TMEM116: variants seen among roughly 807,000 people sequenced by gnomAD.
TMEM116 encodes transmembrane protein 116.
TMEM116 carries 38 observed loss-of-function variants against 44.3 expected under a neutral mutation model. That is an observed-to-expected ratio of 0.86 (90% CI 0.66 to 1.12). The LOEUF (loss-of-function observed/expected upper bound fraction) is 1.12. Ranked by LOEUF, TMEM116 falls within the 50% of genes most tolerant of loss-of-function variation. The pLI is 0.00. For synonymous variants in TMEM116, 132 were observed against 144.8 expected (o/e 0.91, Z 0.64); for missense variants, 354 against 401.7 (o/e 0.88, Z 1.01).
At chr12:111,993,741 T>G (rs2076761363) in intron 3 of TMEM116, 4 of 678,720 alleles carry the variant, frequency 5.9e-6, no homozygotes, top group Non-Finnish European at 1.1e-5. Context: ...AGCCCTGTGG[T>G]GAATGTTCAA....
intron 3 of TMEM116, among the ~76,000 whole-genome samples, chr12:111,998,069 C>A (rs2077027419): frequency 6.6e-6 from 1 of 152,162 alleles, no homozygotes; most frequent in African/African-American, 2.4e-5. Flanking sequence ...CATTTCAGGG[C>A]ATACACACAG....
chr12:111,993,678 G>C, intron 3 of TMEM116: 1 of 604,514 alleles, frequency 1.7e-6, no homozygotes, highest in Non-Finnish European at 3.2e-6. Flanking sequence ...CCATGATGAA[G>C]TTTGCCTGCT....
rs139290212 is a variant in TMEM116, at chr12:111,958,334, C to A, written c.211-14965G>T. 8.1e-5 allele frequency among the ~76,000 whole-genome samples: 12 copies of A among 148,000 alleles called. No individual in the cohort carries two copies. The East Asian group carries it at 2.4e-3, about 29-fold the overall frequency. On this transcript the variant is annotated intron_variant, in intron 4 of 10. Coordinates refer to ENST00000552374, the MANE Select transcript of TMEM116 (RefSeq NM_001193531.2). ...TAGGAGGCCCACTCAGAGACCCCATCCGAAGGTCACCAACATCAAAGACCA... is the reference window on the plus strand; with the variant it reads ...TAGGAGGCCCACTCAGAGACCCCATACGAAGGTCACCAACATCAAAGACCA...
chr12:111,931,879 C>T (rs372646418), intron 10 of TMEM116, 52 bp from the exon 11 acceptor site: 1 of 1,295,036 alleles, frequency 7.7e-7, no homozygotes. Context: ...TTCAGGGATC[C>T]AGGGAATAAT....
chr12:111,951,870 T>C (rs1322080167), intron 4 of TMEM116, among the ~76,000 whole-genome samples: 4 of 152,172 alleles, frequency 2.6e-5, no homozygotes, highest in African/African-American at 9.6e-5. Flanking sequence ...TAGGTGATGT[T>C]AGCAACATCC....
intron 4 of TMEM116, among the ~76,000 whole-genome samples, chr12:111,982,202 T>A (rs1411919385): frequency 1.3e-5 from 2 of 152,090 alleles, no homozygotes; most frequent in African/African-American, 4.8e-5. Context: ...CACAAAAAAA[T>A]GTTAAGTATG....
intron 4 of TMEM116, among the ~76,000 whole-genome samples, chr12:111,971,498 TA>T (rs79281964): frequency 0.23 from 30,356 of 134,076 alleles, 3,353 homozygotes; most frequent in African/African-American, 0.33. Context: ...ACCAGTAACT[TA>T]AAAAAAAAAA....
chr12:111,938,193 A>G lies in TMEM116; in HGVS notation c.333T>C (p.Cys111=), dbSNP rs2072330223. 1 of 1,595,852 alleles carries G rather than the reference A, an allele frequency of 6.3e-7. No homozygotes were observed. Among genetic ancestry groups the G allele is most frequent in the African/African-American group, 1.4e-5 (1 of 73,726 alleles). ...AAACAAAGGCCATTTGACAAACTCG[A>G]CAAGTATAATCTATCACCTGTGAAA... ...STSPLVIDYT[C]RVCQMAFVFS... Residue 111 remains cysteine, a synonymous_variant, in exon 6 of 11, where the codon TGT becomes TGC. Coordinates refer to ENST00000552374, the MANE Select transcript of TMEM116 (RefSeq NM_001193531.2).
chr12:111,942,480 G>C (rs1396338247), intron 5 of TMEM116, among the ~76,000 whole-genome samples: 2 of 152,030 alleles, frequency 1.3e-5, no homozygotes, highest in African/African-American at 4.8e-5. Flanking sequence ...CACCGTGTTA[G>C]CCCGAATGGT....
rs2072190020 is a variant in TMEM116, at chr12:111,936,705, A to G, written c.575T>C (p.Leu192Pro). 7 of 1,614,058 alleles carry G rather than the reference A, an allele frequency of 4.3e-6. No homozygotes were observed. The highest frequency in any genetic ancestry group is 5.1e-6 in the Non-Finnish European group (6 of 1,179,960). ...AIFLGSFVLS[L>P]LTIMVLLIRA... Reference sequence around the variant, plus strand: ...GTGGTACCATACCATAATGGTAAGGAGGCTGAGTACAAAGCTGCCCAGGAA... The same window carrying G: ...GTGGTACCATACCATAATGGTAAGGGGGCTGAGTACAAAGCTGCCCAGGAA... Residue 192 changes from leucine to proline, a missense_variant, in exon 8 of 11, where the codon CTC (leucine) becomes CCC (proline). Physicochemically the swap from Leu to Pro is moderately conservative, Grantham distance 98. Transcript: ENST00000552374.
At chr12:111,984,562 C>A (rs1204368436) in intron 4 of TMEM116, among the ~76,000 whole-genome samples, 1 of 151,908 alleles carries the variant, frequency 6.6e-6, no homozygotes, top group Non-Finnish European at 1.5e-5. Flanking sequence ...CTATAGTCAA[C>A]AATAACTTAA....
intron 4 of TMEM116, among the ~76,000 whole-genome samples, chr12:111,971,933 G>C (rs1443356113): frequency 6.6e-6 from 1 of 151,860 alleles, no homozygotes; most frequent in Non-Finnish European, 1.5e-5. Flanking sequence ...ATTTTAATTA[G>C]CCAGGTATGG....
At chr12:112,003,664 T>A in intron 3 of TMEM116, 136 bp downstream of exon 3, 1 of 1,271,688 alleles carries the variant, frequency 7.9e-7, no homozygotes, top group Non-Finnish European at 1.0e-6. Flanking sequence ...ATGCCAAAAA[T>A]ATCTCATTGT....
chr12:111,957,806 T>C (rs2074263380), intron 4 of TMEM116, among the ~76,000 whole-genome samples: 1 of 152,200 alleles, frequency 6.6e-6, no homozygotes, highest in African/African-American at 2.4e-5. Context: ...CGGGCCATGA[T>C]GACAATGGCG....
chr12:111,982,304 C>CT (rs35312059), intron 4 of TMEM116, among the ~76,000 whole-genome samples: 118 of 143,852 alleles, frequency 8.2e-4, no homozygotes, highest in Admixed American at 1.5e-3. Context: ...AAATGCATAC[C>CT]TTTTTTTTTT....
chr12:111,957,680 GT>G (rs1311050070), intron 4 of TMEM116, among the ~76,000 whole-genome samples: 2 of 149,182 alleles, frequency 1.3e-5, no homozygotes, highest in African/African-American at 5.0e-5. Flanking sequence ...CCTGGCCGCC[GT>G]CCCGTCTGGG....
intron 3 of TMEM116, among the ~76,000 whole-genome samples, chr12:111,996,039 CAAA>C (rs60431093): frequency 2.8e-4 from 15 of 53,664 alleles, no homozygotes; most frequent in East Asian, 1.3e-3. Flanking sequence ...GACCCTGTCT[CAAA>C]AAAAAAAAAA....
intron 4 of TMEM116, among the ~76,000 whole-genome samples, chr12:111,956,004 C>G (rs142769027): frequency 5.3e-5 from 8 of 152,168 alleles, no homozygotes; most frequent in Non-Finnish European, 1.2e-4. Context: ...TGTCGTTAAA[C>G]GATGCATGAC....
chr12:111,950,496 A>T (rs1323015638), intron 4 of TMEM116, among the ~76,000 whole-genome samples: 1 of 151,624 alleles, frequency 6.6e-6, no homozygotes, highest in South Asian at 2.1e-4. Flanking sequence ...AAAATCCTTT[A>T]GAACAGGATA....
Sources: gnomAD v4.1 joint callset for allele counts (sites outside exome capture counted in the v4.1 genomes callset) on GRCh38, gnomAD v4.1.1 for gene constraint, MANE v1.5 for transcripts, NCBI Gene and HGNC (gene_info 2026-07-23, HGNC 2026-07-21) for gene names.